Variants in FER1L6 observed in about 807,000 individuals in gnomAD.
The protein encoded by FER1L6 is fer-1 like family member 6, also known as fer-1-like protein 6.
FER1L6 carries 177 observed loss-of-function variants against 219.2 expected under a neutral mutation model. The observed-to-expected ratio is 0.81, with a 90% CI of 0.71 to 0.91. FER1L6 has a LOEUF of 0.91. FER1L6 is among the 40% of genes least tolerant of loss of function. FER1L6 has a pLI of 0.00. For synonymous variants in FER1L6, 768 were observed against 824.3 expected, an observed-to-expected ratio of 0.93 and a Z score of 1.17; for missense variants, 2,153 against 2,259.9, an observed-to-expected ratio of 0.95 and a Z score of 0.96.
intron 1 of FER1L6, among the ~76,000 whole-genome samples, chr8:123,924,233 C>CAA (rs71289625): frequency 0.33 from 22,293 of 66,688 alleles, 3,710 homozygotes; most frequent in East Asian, 0.48. Flanking sequence ...GACTCAGTAT[C>CAA]AAAAAAAAAA....
chr8:124,031,569 G>A (rs1041426249), intron 18 of FER1L6, among the ~76,000 whole-genome samples: 2 of 152,158 alleles, frequency 1.3e-5, no homozygotes, highest in Non-Finnish European at 2.9e-5. Flanking sequence ...TACATAGAAA[G>A]GCAGAGGGAA....
intron 18 of FER1L6, among the ~76,000 whole-genome samples, chr8:124,031,753 C>A (rs1339462435): frequency 6.6e-6 from 1 of 152,034 alleles, no homozygotes; most frequent in Non-Finnish European, 1.5e-5. Flanking sequence ...CTGAGGCTTT[C>A]ATTTGGGGGT....
At chr8:123,884,134 T>A (rs1244142514) in intron 1 of FER1L6, among the ~76,000 whole-genome samples, 1 of 152,222 alleles carries the variant, frequency 6.6e-6, no homozygotes, top group Non-Finnish European at 1.5e-5. Context: ...CAGTGCTGTG[T>A]TGCCACCTCT....
intron 15 of FER1L6, among the ~76,000 whole-genome samples, chr8:124,017,196 A>T (rs1252133657): frequency 6.6e-6 from 1 of 152,178 alleles, no homozygotes; most frequent in African/African-American, 2.4e-5. Context: ...CCTCCAAAAA[A>T]TGTTACTACT....
chr8:123,964,701 C>G (rs897318704), intron 3 of FER1L6, among the ~76,000 whole-genome samples: 2 of 152,182 alleles, frequency 1.3e-5, no homozygotes, highest in Non-Finnish European at 2.9e-5. Flanking sequence ...GGAATAACAG[C>G]CTTTTTCTTT....
intron 2 of FER1L6, among the ~76,000 whole-genome samples, chr8:123,962,925 G>T (rs896551575): frequency 2.0e-5 from 3 of 152,190 alleles, no homozygotes; most frequent in African/African-American, 7.2e-5. Flanking sequence ...ACCGTGCCCA[G>T]CCAGAAACTC....
chr8:123,898,621 T>G (rs532157197), intron 1 of FER1L6, among the ~76,000 whole-genome samples: 1 of 147,482 alleles, frequency 6.8e-6, no homozygotes, highest in East Asian at 1.9e-4. Context: ...CAGTCCTTTT[T>G]ATGGCTGAGT....
intron 11 of FER1L6, among the ~76,000 whole-genome samples, chr8:123,982,048 T>G (rs1181862011): frequency 6.6e-6 from 1 of 152,146 alleles, no homozygotes; most frequent in African/African-American, 2.4e-5. Flanking sequence ...TGAGCTCACA[T>G]ACTGTATTGG....
At chr8:124,035,513 A>C in intron 19 of FER1L6, 59 bp downstream of exon 19, 1 of 1,531,284 alleles carries the variant, frequency 6.5e-7, no homozygotes, top group Non-Finnish European at 8.8e-7. Context: ...TTCTGAAAAG[A>C]TAATAAGGAG....
At chr8:123,885,521 G>A (rs1026607487) in intron 1 of FER1L6, among the ~76,000 whole-genome samples, 2 of 152,190 alleles carry the variant, frequency 1.3e-5, no homozygotes, top group African/African-American at 4.8e-5. Flanking sequence ...TTTGCATCTA[G>A]TGACAGACAC....
chr8:124,091,663 C>T lies in FER1L6; in HGVS notation c.4552+80C>T, dbSNP rs531329083. 1.7e-4 allele frequency: 252 copies of T among 1,460,992 alleles called. 3 individuals carry two copies. Among genetic ancestry groups the T allele is most frequent in the Non-Finnish European group, 2.2e-4 (231 of 1,063,576 alleles). 90.5% of individuals were successfully genotyped at this position (1,460,992 alleles called of 1,614,324 possible). A position where few individuals can be genotyped will look rare whatever the true frequency, so the allele number is the denominator to read the frequency against. ...TCTAGTGATATTTTTGGCTATGGGA[C>T]ATCTAATTATAAAAGTAATGTGGCC... On this transcript the variant is annotated intron_variant, in intron 34 of 40. Coordinates refer to ENST00000522917, the MANE Select transcript of FER1L6 (RefSeq NM_001039112.2).
chr8:123,950,278 G>T (rs1814698501), intron 1 of FER1L6, among the ~76,000 whole-genome samples: 1 of 152,208 alleles, frequency 6.6e-6, no homozygotes, highest in African/African-American at 2.4e-5. Context: ...TGAGGAGCAG[G>T]AGAAGATGGA....
At chr8:123,868,776 C>A (rs751112612) in intron 1 of FER1L6, among the ~76,000 whole-genome samples, 11 of 152,208 alleles carry the variant, frequency 7.2e-5, no homozygotes, top group Non-Finnish European at 1.0e-4. Context: ...GTAATTCATT[C>A]TTTCTTTCAC....
chr8:123,869,713 C>A (rs1816895207), intron 1 of FER1L6, among the ~76,000 whole-genome samples: 1 of 152,034 alleles, frequency 6.6e-6, no homozygotes, highest in Non-Finnish European at 1.5e-5. Flanking sequence ...TATAAAAAGG[C>A]AAAAGAATTC....
At chr8:124,101,635 A>G (rs1822551984) in intron 38 of FER1L6, among the ~76,000 whole-genome samples, 1 of 152,218 alleles carries the variant, frequency 6.6e-6, no homozygotes, top group Non-Finnish European at 1.5e-5. Context: ...GAGGGTAGTA[A>G]TATTACATAC....
At chr8:124,065,416 A>G (rs116511639) in intron 26 of FER1L6, among the ~76,000 whole-genome samples, 2,453 of 151,462 alleles carry the variant, frequency 0.016, 65 homozygotes, top group African/African-American at 0.053. Flanking sequence ...AAAAAAAAAA[A>G]AAAAAGCAGC....
intron 1 of FER1L6, among the ~76,000 whole-genome samples, chr8:123,865,069 G>A (rs1816808905): frequency 6.6e-6 from 1 of 150,844 alleles, no homozygotes; most frequent in South Asian, 2.1e-4. Context: ...GTGTTTTAGA[G>A]TTTCCAGTTT....
At chr8:123,947,244 TAA>T (rs747145706) in intron 1 of FER1L6, among the ~76,000 whole-genome samples, 2 of 133,914 alleles carry the variant, frequency 1.5e-5, no homozygotes, top group African/African-American at 2.8e-5. Context: ...AGACTCAGTC[TAA>T]AAAAAAAAAA....
intron 1 of FER1L6, among the ~76,000 whole-genome samples, chr8:123,873,053 A>G (rs528324833): frequency 1.1e-4 from 16 of 152,272 alleles, no homozygotes; most frequent in African/African-American, 3.8e-4. Flanking sequence ...AGTCAGCAGG[A>G]GTGAAGGCAG....
Sources: allele counts gnomAD v4.1 joint callset (sites outside exome capture counted in the v4.1 genomes callset), GRCh38; gene constraint gnomAD v4.1.1; transcripts MANE v1.5; gene names NCBI Gene and HGNC (gene_info 2026-07-23, HGNC 2026-07-21).